Variants in USP7 observed in about 807,000 individuals in gnomAD.
USP7 encodes ubiquitin C-terminal hydrolase 7.
In USP7, 9 loss-of-function variants were observed where a neutral mutation model predicts 162.9. That is an observed-to-expected ratio of 0.06 (90% confidence interval 0.03 to 0.10). The LOEUF (loss-of-function observed/expected upper bound fraction) is 0.10. Ranked by LOEUF, USP7 falls within the 10% of genes least tolerant of loss-of-function variation. USP7 has a pLI of 1.00. For missense variants in USP7, 715 were observed against 1,373.7 expected, an observed-to-expected ratio of 0.52 and a Z score of 7.58; for synonymous variants, 562 against 475.9, an observed-to-expected ratio of 1.18 and a Z score of -2.35.
rs368329036 is a variant in USP7 at position 8,892,492 on chromosome 16, C to A, written c.*1506G>T. ...GGACCACGCCCACGATAGCGCCTGCCGCCCCGAAGGGCCTCGTGACACATC... is the reference window on the plus strand; with the variant it reads ...GGACCACGCCCACGATAGCGCCTGCAGCCCCGAAGGGCCTCGTGACACATC... On this transcript the variant is annotated 3_prime_UTR_variant, in exon 31 of 31. Coordinates refer to ENST00000344836, the MANE Select transcript of USP7 (RefSeq NM_003470.3). The A allele has an allele frequency of 6.6e-6, 1 of 152,136 alleles. No individual in the cohort carries two copies. 9.4% of individuals were successfully genotyped at this position (152,136 alleles called of 1,614,324 possible). A position where few individuals can be genotyped will look rare whatever the true frequency, so the allele number is the denominator to read the frequency against.
chr16:8,942,216 AC>A (rs899766854), intron 1 of USP7, among the ~76,000 whole-genome samples: 1 of 152,240 alleles, frequency 6.6e-6, no homozygotes. Context: ...CAGGTGCTCC[AC>A]CCAATGAACA....
In USP7 at chr16:8,894,803, T is replaced by G. The variant is rs2061656836; in HGVS notation, c.3092A>C (p.Gln1031Pro). Residue 1031 changes from glutamine to proline, a missense_variant, in exon 29 of 31, where the codon CAG becomes CCG. By Grantham distance (76) the Gln-to-Pro change is moderately conservative. Transcript: ENST00000344836. The part of the protein sequence containing the change: ...MKRIQSLLDI[Q>P]EKEFEKFKFA... ...GCACACCTTCTCAAACTCCTTCTCC[T>G]GGATGTCCAGCAGGCTCTGGATTCG... is the stretch of plus-strand genomic sequence containing the variant. 1 of 1,614,112 alleles carries G rather than the reference T, an allele frequency of 6.2e-7. No individual in the cohort carries two copies. Among genetic ancestry groups the G allele is most frequent in the Non-Finnish European group, 8.5e-7 (1 of 1,180,044 alleles).
intron 1 of USP7, among the ~76,000 whole-genome samples, chr16:8,954,966 AAAAAT>A (rs1899724403): frequency 6.6e-6 from 1 of 152,220 alleles, no homozygotes; most frequent in Non-Finnish European, 1.5e-5. Context: ...CTCAAAAAAT[AAAAAT>A]AAAATAAAAA....
intron 4 of USP7, among the ~76,000 whole-genome samples, chr16:8,920,877 A>G (rs1050832713): frequency 5.3e-5 from 8 of 152,250 alleles, no homozygotes; most frequent in Non-Finnish European, 2.9e-5. Flanking sequence ...ACTATGCCTG[A>G]ATCATGAAAG....
At chr16:8,961,513 G>GGGA (rs1567252666) in intron 1 of USP7, among the ~76,000 whole-genome samples, 6 of 126,230 alleles carry the variant, frequency 4.8e-5, no homozygotes, top group Non-Finnish European at 8.4e-5. Flanking sequence ...AAGGGGGGGG[G>GGGA]GGGCAAATAC....
chr16:8,941,494 T>G (rs1408062419), intron 1 of USP7, among the ~76,000 whole-genome samples: 1 of 152,188 alleles, frequency 6.6e-6, no homozygotes, highest in Non-Finnish European at 1.5e-5. Context: ...GAGCCCACCC[T>G]CTTCTCGCAG....
intron 1 of USP7, among the ~76,000 whole-genome samples, chr16:8,952,257 A>G (rs1009890089): frequency 2.0e-5 from 3 of 152,280 alleles, no homozygotes; most frequent in South Asian, 2.1e-4. Flanking sequence ...CCAAAAAAAT[A>G]TTAATTAAAA....
intron 1 of USP7, among the ~76,000 whole-genome samples, chr16:8,959,722 T>C (rs1335105168): frequency 6.6e-6 from 1 of 152,240 alleles, no homozygotes; most frequent in Non-Finnish European, 1.5e-5. Context: ...CAAGTTTATC[T>C]GGCTGGGTGT....
Position 8,892,517 on chromosome 16 carries a change from C to G in USP7, c.*1481G>C, listed in dbSNP as rs1244249220. The G allele has an allele frequency of 6.6e-6, 1 of 151,170 alleles. No individual in the cohort carries two copies. The highest frequency in any genetic ancestry group is 1.5e-5 in the Non-Finnish European group (1 of 67,914). The allele number at this position is 151,170 out of a possible 1,614,324, so 9.4% of individuals were successfully genotyped here. On this transcript the variant is annotated 3_prime_UTR_variant, in exon 31 of 31. Transcript: ENST00000344836. ...CGCCCCGAAGGGCCTCGTGACACAT[C>G]AGGTCACATCTCCAGTCACCTTATT...
In USP7 at chr16:8,920,451, T is replaced by C. The variant is rs748193010; in HGVS notation, c.523-4A>G. ...CTTTCTCAGGATCGGTCACTTCCTA[T>C]AAAACATAAATAAGAATATCCAGCT... On this transcript the variant is annotated splice_region_variant and splice_polypyrimidine_tract_variant and intron_variant, in intron 4 of 30. Transcript: ENST00000344836. 2 of 1,606,740 alleles carry C rather than the reference T, an allele frequency of 1.2e-6. No individual in the cohort carries two copies. Among genetic ancestry groups the C allele is most frequent in the Non-Finnish European group, 1.7e-6 (2 of 1,177,248 alleles).
intron 30 of USP7, 71 bp downstream of exon 30, chr16:8,894,479 C>G (rs2061651218): frequency 6.6e-7 from 1 of 1,507,156 alleles, no homozygotes; most frequent in Non-Finnish European, 9.0e-7. Context: ...GGGGCTGCCC[C>G]TCCCAGCCCC....
chr16:8,955,264 G>C (rs1025744177), intron 1 of USP7, among the ~76,000 whole-genome samples: 7 of 152,192 alleles, frequency 4.6e-5, no homozygotes, highest in African/African-American at 1.4e-4. Context: ...ATGATGGACA[G>C]TATTGGGGCC....
Position 8,920,232 on chromosome 16 carries a change from C to A in USP7, c.611+127G>T, listed in dbSNP as rs1449568191. The A allele has an allele frequency of 1.0e-5, 8 of 787,390 alleles. No individual in the cohort carries two copies. The Admixed American group carries it at 2.1e-4, about 21-fold the overall frequency. 48.8% of individuals were successfully genotyped at this position (787,390 alleles called of 1,614,324 possible). A position where few individuals can be genotyped will look rare whatever the true frequency, so the allele number is the denominator to read the frequency against. On this transcript the variant is annotated intron_variant, in intron 5 of 30. Coordinates refer to ENST00000344836, the MANE Select transcript of USP7 (RefSeq NM_003470.3). ...GTCAAGCAGGTGTGACTCTGTGTGC[C>A]ACAGGGCAAGCGCAGAGAGGAGGCT...
At chr16:8,940,566 A>G (rs254943) in intron 1 of USP7, among the ~76,000 whole-genome samples, 150,421 of 152,286 alleles carry the variant, frequency 0.99, 74,314 homozygotes, top group East Asian at 1. Context: ...CCTGCATCAG[A>G]AAGGGAGAGG....
intron 15 of USP7, among the ~76,000 whole-genome samples, chr16:8,904,130 A>G (rs2061821983): frequency 6.6e-6 from 1 of 152,196 alleles, no homozygotes; most frequent in South Asian, 2.1e-4. Flanking sequence ...ACAAATACTC[A>G]GGCAGCTGCC....
intron 1 of USP7, among the ~76,000 whole-genome samples, chr16:8,932,131 T>C (rs1898389205): frequency 6.6e-6 from 1 of 152,116 alleles, no homozygotes; most frequent in Admixed American, 6.5e-5. Flanking sequence ...AATTCCTGAA[T>C]AAAATGGTAC....
At chr16:8,917,525 C>G (rs1185432894) in intron 6 of USP7, among the ~76,000 whole-genome samples, 1 of 152,018 alleles carries the variant, frequency 6.6e-6, no homozygotes, top group South Asian at 2.1e-4. Flanking sequence ...ATTACAGGCA[C>G]GCACCACCAC....
intron 11 of USP7, among the ~76,000 whole-genome samples, chr16:8,909,304 G>T (rs1188653185): frequency 1.3e-5 from 2 of 152,146 alleles, no homozygotes; most frequent in East Asian, 3.9e-4. Context: ...AAATCCACCT[G>T]CCCAGCAGCC....
At chr16:8,923,851 C>G (rs942879739) in intron 2 of USP7, among the ~76,000 whole-genome samples, 2 of 152,170 alleles carry the variant, frequency 1.3e-5, no homozygotes, top group East Asian at 3.9e-4. Flanking sequence ...AACACACAGG[C>G]AGGACTTGAG....
Sources: gnomAD v4.1 joint callset for allele counts (sites outside exome capture counted in the v4.1 genomes callset) on GRCh38, gnomAD v4.1.1 for gene constraint, MANE v1.5 for transcripts, NCBI Gene and HGNC (gene_info 2026-07-23, HGNC 2026-07-21) for gene names.